The following KIRREL1 variants were observed in gnomAD, a reference collection of about 807,000 sequenced individuals.
KIRREL1 encodes kirre like nephrin family adhesion molecule 1.
A neutral mutation model predicts 83.3 loss-of-function variants in KIRREL1; 25 were observed. That is an observed-to-expected ratio of 0.30 (90% CI 0.22 to 0.42). KIRREL1 has a LOEUF of 0.42. Ranked by LOEUF, KIRREL1 falls within the 10% of genes least tolerant of loss-of-function variation. The pLI is 1.00. For missense variants in KIRREL1, 812 were observed against 1,032.3 expected (o/e 0.79, Z 2.92); for synonymous variants, 388 against 410.4 (o/e 0.95, Z 0.66).
rs987561718 is a variant in KIRREL1 at position 158,057,655 on chromosome 1, G to A, written c.53-18458G>A. 8.5e-5 allele frequency among the ~76,000 whole-genome samples: 13 copies of A among 152,294 alleles called. No homozygotes were observed. The East Asian group carries it at 2.1e-3, about 25-fold the overall frequency. ...TTTTTGGGGTCGCCCCAGGTTTCCCGATTGCTCCCACTCAAAAGGCAGTTG... is the reference window on the plus strand; with the variant it reads ...TTTTTGGGGTCGCCCCAGGTTTCCCAATTGCTCCCACTCAAAAGGCAGTTG... On this transcript the variant is annotated intron_variant, in intron 1 of 14. Coordinates refer to ENST00000359209, the MANE Select transcript of KIRREL1 (RefSeq NM_018240.7).
At chr1:158,032,053 T>A (rs1208399856) in intron 1 of KIRREL1, among the ~76,000 whole-genome samples, 1 of 151,158 alleles carries the variant, frequency 6.6e-6, no homozygotes, top group Non-Finnish European at 1.5e-5. Context: ...CACTCCAGCC[T>A]GGGCAACAGA....
At chr1:158,017,023 A>G (rs1009824075) in intron 1 of KIRREL1, among the ~76,000 whole-genome samples, 1 of 152,180 alleles carries the variant, frequency 6.6e-6, no homozygotes, top group African/African-American at 2.4e-5. Flanking sequence ...TCGCCATGAC[A>G]TCTCTGTTTT....
chr1:158,009,732 A>G (rs1379296714), intron 1 of KIRREL1, among the ~76,000 whole-genome samples: 1 of 152,198 alleles, frequency 6.6e-6, no homozygotes, highest in East Asian at 1.9e-4. Context: ...TCTGGCTGAA[A>G]GCTCATTGGC....
intron 8 of KIRREL1, among the ~76,000 whole-genome samples, chr1:158,088,993 T>C (rs1570998245): frequency 7.1e-6 from 1 of 141,076 alleles, no homozygotes; most frequent in Non-Finnish European, 1.5e-5. Context: ...GGAAGCAGGG[T>C]GGGGTGGGAG....
intron 1 of KIRREL1, among the ~76,000 whole-genome samples, chr1:158,017,233 G>A (rs370871285): frequency 2.6e-5 from 4 of 152,068 alleles, no homozygotes; most frequent in South Asian, 2.1e-4. Context: ...TTCCTCCTGC[G>A]TTTCTCAAGG....
At chr1:158,021,169 T>C (rs1659995089) in intron 1 of KIRREL1, among the ~76,000 whole-genome samples, 1 of 152,074 alleles carries the variant, frequency 6.6e-6, no homozygotes, top group South Asian at 2.1e-4. Context: ...ATCCTAGGGC[T>C]CTTAATTTTT....
chr1:158,025,129 G>T (rs988978099), intron 1 of KIRREL1, among the ~76,000 whole-genome samples: 1 of 152,340 alleles, frequency 6.6e-6, no homozygotes, highest in Admixed American at 6.5e-5. Flanking sequence ...CTAATGCGTG[G>T]ATTGAATGCA....
intron 1 of KIRREL1, among the ~76,000 whole-genome samples, chr1:158,038,244 T>G (rs369747174): frequency 6.6e-6 from 1 of 152,214 alleles, no homozygotes; most frequent in African/African-American, 2.4e-5. Context: ...AAATGTTTAT[T>G]GAGTCTTCCA....
At chr1:158,074,893 G>A (rs1322070148) in intron 1 of KIRREL1, among the ~76,000 whole-genome samples, 2 of 152,174 alleles carry the variant, frequency 1.3e-5, no homozygotes, top group Non-Finnish European at 2.9e-5. Context: ...TCAGATTTGG[G>A]GATTGTGGCC....
At chr1:158,029,376 C>CGCGT (rs1660261955) in intron 1 of KIRREL1, among the ~76,000 whole-genome samples, 1 of 17,558 alleles carries the variant, frequency 5.7e-5, no homozygotes, top group Non-Finnish European at 2.1e-4. Flanking sequence ...TGCACGTGCG[C>CGCGT]GCGCATGCAC....
intron 9 of KIRREL1, 42 bp from the exon 10 acceptor site, chr1:158,089,676 G>A (rs372759941): frequency 5.0e-6 from 8 of 1,613,846 alleles, no homozygotes; most frequent in African/African-American, 4.0e-5. Context: ...GGCTGGTACT[G>A]CAGTTTTTAA....
chr1:158,007,628 G>C (rs553402948), intron 1 of KIRREL1, among the ~76,000 whole-genome samples: 125 of 152,048 alleles, frequency 8.2e-4, no homozygotes, highest in Non-Finnish European at 9.9e-4. Context: ...CGTGTGTCTG[G>C]GGGGAGAGTG....
intron 1 of KIRREL1, among the ~76,000 whole-genome samples, chr1:158,000,317 C>A (rs1659326175): frequency 2.6e-5 from 4 of 152,204 alleles, no homozygotes; most frequent in Non-Finnish European, 5.9e-5. Context: ...AACAGTAGTA[C>A]ATTTTTGTGA....
At chr1:158,064,830 C>T (rs1187718906) in intron 1 of KIRREL1, among the ~76,000 whole-genome samples, 7 of 152,048 alleles carry the variant, frequency 4.6e-5, no homozygotes, top group Admixed American at 4.6e-4. Context: ...GAGCCCCATA[C>T]CTTCCCGTAT....
intron 1 of KIRREL1, among the ~76,000 whole-genome samples, chr1:158,014,739 C>A (rs1035124119): frequency 1.3e-5 from 2 of 149,994 alleles, no homozygotes; most frequent in African/African-American, 2.5e-5. Flanking sequence ...AACTTCTTGA[C>A]GCTGAATTGC....
At chr1:158,066,324 C>G (rs1661356600) in intron 1 of KIRREL1, among the ~76,000 whole-genome samples, 2 of 152,182 alleles carry the variant, frequency 1.3e-5, no homozygotes, top group East Asian at 1.9e-4. Flanking sequence ...GCTTGTCTCT[C>G]TGTCCTGTCC....
At chr1:158,031,056 C>G in intron 1 of KIRREL1, 1 of 152,148 alleles carries the variant, frequency 6.6e-6, no homozygotes, top group Non-Finnish European at 1.5e-5. Flanking sequence ...CCTCCTCTCC[C>G]CTGTTCATTA....
intron 1 of KIRREL1, chr1:158,025,800 A>T (rs1198220753): frequency 6.6e-6 from 1 of 151,554 alleles, no homozygotes; most frequent in African/African-American, 2.4e-5. Flanking sequence ...TGGTTTAATG[A>T]GCCACTCTTC....
chr1:158,032,656 C>A (rs1660359785), intron 1 of KIRREL1, among the ~76,000 whole-genome samples: 1 of 152,202 alleles, frequency 6.6e-6, no homozygotes. Context: ...TCCTTTAACT[C>A]CAGGTGTGTC....
Sources: allele counts gnomAD v4.1 joint callset (sites outside exome capture counted in the v4.1 genomes callset), GRCh38; gene constraint gnomAD v4.1.1; transcripts MANE v1.5; gene names NCBI Gene and HGNC (gene_info 2026-07-23, HGNC 2026-07-21).